NT5C2: variants seen among roughly 807,000 people sequenced by gnomAD.
NT5C2 encodes the protein 5'-nucleotidase, cytosolic II.
Under a neutral mutation model 76.1 loss-of-function variants are expected in NT5C2, and 58 were observed. The observed-to-expected ratio is 0.76, with a 90% CI of 0.62 to 0.95. NT5C2 has a LOEUF of 0.95. Ranked by LOEUF, NT5C2 falls within the 40% of genes least tolerant of loss-of-function variation. The pLI is 0.00. For synonymous variants in NT5C2, 229 were observed against 237.4 expected, an observed-to-expected ratio of 0.96 and a Z score of 0.32; for missense variants, 478 against 690.3, an observed-to-expected ratio of 0.69 and a Z score of 3.45.
At chr10:103,116,404 A>C (rs946363320) in intron 4 of NT5C2, among the ~76,000 whole-genome samples, 1 of 152,168 alleles carries the variant, frequency 6.6e-6, no homozygotes, top group African/African-American at 2.4e-5. Flanking sequence ...AGAAGTGTAC[A>C]CAAGTATTAT....
chr10:103,143,809 G>T (rs888112047), intron 3 of NT5C2, among the ~76,000 whole-genome samples: 1 of 151,816 alleles, frequency 6.6e-6, no homozygotes, highest in Non-Finnish European at 1.5e-5. Context: ...TAAAAAATTA[G>T]CCACGTGTAG....
chr10:103,178,954 C>CTTTTTTTTTTTTTTTTTTTTTT (rs758982511), intron 2 of NT5C2, among the ~76,000 whole-genome samples: 2 of 128,482 alleles, frequency 1.6e-5, no homozygotes, highest in African/African-American at 2.9e-5. Flanking sequence ...TTCTTTTTTT[C>CTTTTTTTTTTTTTTTTTTTTTT]TTTTTTTTTT....
chr10:103,176,498 C>T (rs2089982737), intron 2 of NT5C2, among the ~76,000 whole-genome samples: 1 of 152,174 alleles, frequency 6.6e-6, no homozygotes, highest in Admixed American at 6.5e-5. Flanking sequence ...AGCCTCCCGC[C>T]GTTGAGTTTT....
chr10:103,133,040 G>C (rs757950989), intron 4 of NT5C2, among the ~76,000 whole-genome samples: 1 of 152,182 alleles, frequency 6.6e-6, no homozygotes, highest in Non-Finnish European at 1.5e-5. Flanking sequence ...GAATTTGCAC[G>C]TGTTGTGGGA....
At chr10:103,148,577 C>T (rs1322038539) in intron 3 of NT5C2, among the ~76,000 whole-genome samples, 1 of 150,612 alleles carries the variant, frequency 6.6e-6, no homozygotes, top group Non-Finnish European at 1.5e-5. Context: ...GCACTCCAGC[C>T]TGGGCAACAG....
At chr10:103,180,444 A>G (rs528182772) in intron 2 of NT5C2, among the ~76,000 whole-genome samples, 1 of 152,346 alleles carries the variant, frequency 6.6e-6, no homozygotes, top group South Asian at 2.1e-4. Flanking sequence ...AAAGACTTGA[A>G]CACAGGCTTG....
rs774747772 is a variant in NT5C2, at chr10:103,098,946, C to T, written c.672G>A (p.Lys224=). The T allele has an allele frequency of 2.5e-6, 4 of 1,607,350 alleles. No homozygotes were observed. Among genetic ancestry groups the T allele is most frequent in the Middle Eastern group, 1.7e-4 (1 of 6,034 alleles). The part of the protein sequence containing the change: ...LKEKTVENLE[K]YVVKDGKLPL... ...TATTACTTACATCTTTGACTACATACTTCTCAAGATTTTCAACTGTCTTTT... is the reference window on the plus strand; with the variant it reads ...TATTACTTACATCTTTGACTACATATTTCTCAAGATTTTCAACTGTCTTTT... The change falls in exon 10 of 19, where the codon AAG becomes AAA. Residue 224 remains lysine (K), a synonymous_variant. Coordinates refer to ENST00000404739, the MANE Select transcript of NT5C2 (RefSeq NM_001351169.2).
intron 13 of NT5C2, 112 bp downstream of exon 13, chr10:103,094,236 A>T (rs2067620491): frequency 1.6e-5 from 12 of 765,562 alleles, no homozygotes; most frequent in Admixed American, 5.1e-5. Context: ...CAAAAGAGAG[A>T]TACGGCTAAT....
At chr10:103,098,823 A>C in intron 10 of NT5C2, 108 bp downstream of exon 10, 1 of 802,696 alleles carries the variant, frequency 1.2e-6, no homozygotes, top group South Asian at 1.6e-5. Flanking sequence ...TACTATGCCA[A>C]GACAAATCTC....
chr10:103,184,205 CA>C, intron 1 of NT5C2, among the ~76,000 whole-genome samples: 1 of 152,270 alleles, frequency 6.6e-6, no homozygotes, highest in South Asian at 2.1e-4. Context: ...ACCTGCCTCC[CA>C]AAGTGCTGGA....
intron 9 of NT5C2, among the ~76,000 whole-genome samples, chr10:103,099,345 G>A (rs2068977795): frequency 6.6e-6 from 1 of 152,168 alleles, no homozygotes; most frequent in Non-Finnish European, 1.5e-5. Flanking sequence ...AAAGTGCTGG[G>A]ATTACAGGCA....
At chr10:103,173,918 A>AAACCCTGTCTCTAC (rs2089045946) in intron 3 of NT5C2, among the ~76,000 whole-genome samples, 1 of 152,030 alleles carries the variant, frequency 6.6e-6, no homozygotes, top group Non-Finnish European at 1.5e-5. Flanking sequence ...TAACACGGTG[A>AAACCCTGTCTCTAC]AACCCTGTCT....
At chr10:103,139,351 C>T (rs1256351112) in intron 4 of NT5C2, 55 bp downstream of exon 4, 11 of 1,181,734 alleles carry the variant, frequency 9.3e-6, no homozygotes, top group African/African-American at 1.5e-5. Context: ...TACTGTGAAC[C>T]CACTGTGTTA....
intron 6 of NT5C2, among the ~76,000 whole-genome samples, chr10:103,104,010 T>C (rs2070502990): frequency 1.3e-5 from 2 of 152,140 alleles, no homozygotes; most frequent in Admixed American, 6.5e-5. Flanking sequence ...TGTACCACCA[T>C]GCCCAGCTAA....
In NT5C2 at chr10:103,110,065, A is replaced by G. The variant is rs372172474; in HGVS notation, c.176-3359T>C. On this transcript the variant is annotated intron_variant, in intron 4 of 18. Transcript: ENST00000404739. ...CCTAAAAATATGATATATCTTCCCCATTTGCTGACGTGAAGTTATATAGCA... is the reference window on the plus strand; with the variant it reads ...CCTAAAAATATGATATATCTTCCCCGTTTGCTGACGTGAAGTTATATAGCA... 3.3e-5 allele frequency among the ~76,000 whole-genome samples: 5 copies of G among 152,212 alleles called. No homozygotes were observed. The South Asian group carries it at 1.0e-3, about 32-fold the overall frequency.
intron 3 of NT5C2, among the ~76,000 whole-genome samples, chr10:103,149,889 C>T (rs1438881939): frequency 6.7e-6 from 1 of 149,688 alleles, no homozygotes; most frequent in Non-Finnish European, 1.5e-5. Flanking sequence ...ACTTTAACAA[C>T]TCCAGAGGGC....
chr10:103,171,635 A>G (rs1434521883), intron 3 of NT5C2, among the ~76,000 whole-genome samples: 1 of 152,238 alleles, frequency 6.6e-6, no homozygotes, highest in Non-Finnish European at 1.5e-5. Context: ...CTTTAGGTGT[A>G]GATTTCTAAT....
chr10:103,179,334 T>C (rs1442738947), intron 2 of NT5C2, among the ~76,000 whole-genome samples: 1 of 152,158 alleles, frequency 6.6e-6, no homozygotes, highest in Non-Finnish European at 1.5e-5. Context: ...GAACCCTCTC[T>C]TGGGGTCTGG....
At chr10:103,159,952 A>G (rs979966637) in intron 3 of NT5C2, among the ~76,000 whole-genome samples, 2 of 152,228 alleles carry the variant, frequency 1.3e-5, no homozygotes, top group Admixed American at 1.3e-4. Flanking sequence ...CAGAATAGCC[A>G]AAACAATCTT....
Sources: allele counts gnomAD v4.1 joint callset (sites outside exome capture counted in the v4.1 genomes callset), GRCh38; gene constraint gnomAD v4.1.1; transcripts MANE v1.5; gene names NCBI Gene and HGNC (gene_info 2026-07-23, HGNC 2026-07-21).